The following MRAP2 variants were observed in gnomAD, a reference collection of about 807,000 sequenced individuals.
MRAP2 encodes the protein melanocortin 2 receptor accessory protein 2.
In MRAP2, 20 loss-of-function variants were observed where a neutral mutation model predicts 17.4. That is an observed-to-expected ratio of 1.15 (90% CI 0.81 to 1.67). The LOEUF is 1.67. Among genes scored for constraint, MRAP2 ranks in the 40% most tolerant of loss-of-function variants. The probability of loss-of-function intolerance (pLI) is 0.00; values close to 1 mark genes in which losing one functional copy is unlikely to be tolerated. For missense variants in MRAP2, 238 were observed against 240.0 expected, an observed-to-expected ratio of 0.99 and a Z score of 0.05; for synonymous variants, 96 against 88.4, an observed-to-expected ratio of 1.09 and a Z score of -0.48.
chr6:84,074,102 C>A (rs1324659086), intron 3 of MRAP2, among the ~76,000 whole-genome samples: 2 of 151,992 alleles, frequency 1.3e-5, no homozygotes, highest in African/African-American at 4.8e-5. Flanking sequence ...GCTGAAGAGT[C>A]TAGGTAAAGA....
At chr6:84,124,566 G>A in the MRAP2 span, 1 of 166,378 alleles carries the variant, frequency 6.0e-6, no homozygotes, top group Non-Finnish European at 1.3e-5. Context: ...CAGACACTGG[G>A]GACTCCAATA....
At chr6:84,120,664 TTA>T in the MRAP2 span, among the ~76,000 whole-genome samples, 4 of 152,316 alleles carry the variant, frequency 2.6e-5, no homozygotes, top group African/African-American at 9.6e-5. Context: ...CTGAAAGTAA[TTA>T]TATGATGTTT....
At chr6:84,105,061 T>G in the MRAP2 span, among the ~76,000 whole-genome samples, 1 of 152,158 alleles carries the variant, frequency 6.6e-6, no homozygotes, top group Non-Finnish European at 1.5e-5. Flanking sequence ...GTCCATATCA[T>G]TATCAGAATT....
At chr6:84,092,608 A>T (rs2099501953), downstream of MRAP2, among the ~76,000 whole-genome samples, 1 of 152,156 alleles carries the variant, frequency 6.6e-6, no homozygotes, top group Non-Finnish European at 1.5e-5. Context: ...TGTGACCGAC[A>T]TAAGATACTA....
chr6:84,143,554 T>C, the MRAP2 span, among the ~76,000 whole-genome samples: 3 of 151,906 alleles, frequency 2.0e-5, no homozygotes, highest in South Asian at 2.1e-4. Flanking sequence ...TAAAGTAGAA[T>C]GACAGACTGT....
intron 1 of MRAP2, among the ~76,000 whole-genome samples, chr6:84,052,357 T>A (rs1222489486): frequency 2.6e-5 from 4 of 152,128 alleles, no homozygotes. Flanking sequence ...TCATGCACAC[T>A]GTGGCGGGAA....
the MRAP2 span, among the ~76,000 whole-genome samples, chr6:84,135,526 C>G: frequency 6.6e-6 from 1 of 152,292 alleles, no homozygotes; most frequent in South Asian, 2.1e-4. Flanking sequence ...CTACACATCT[C>G]AATTTAAACT....
At chr6:84,070,995 G>GGTT (rs2099496066) in intron 3 of MRAP2, among the ~76,000 whole-genome samples, 1 of 152,100 alleles carries the variant, frequency 6.6e-6, no homozygotes, top group Non-Finnish European at 1.5e-5. Flanking sequence ...GCAGGTAGTT[G>GGTT]GTTGGTGGGT....
In MRAP2 at chr6:84,089,302, G is replaced by T. The variant is rs1417440654; in HGVS notation, c.439G>T (p.Ala147Ser). ...TGACAGTGACGTCCAACTCCAGGAA[G>T]CCATCAGAAGCAGTGGGCAGCCAGA... Reference protein sequence around the residue: ...ALDSDVQLQEAIRSSGQPEEE... With the variant: ...ALDSDVQLQESIRSSGQPEEE... The change falls in exon 4 of 4, where the codon GCC becomes TCC. Residue 147 changes from alanine (A) to serine (S), a missense_variant. Coordinates refer to ENST00000257776, the MANE Select transcript of MRAP2 (RefSeq NM_138409.4). The T allele has an allele frequency of 6.8e-6, 11 of 1,614,116 alleles. No individual in the cohort carries two copies. The highest frequency in any genetic ancestry group is 1.3e-5 in the African/African-American group (1 of 74,932).
rs553785656 is a variant in MRAP2 at position 84,079,242 on chromosome 6, A to G, written c.228-9849A>G. 3.3e-5 allele frequency among the ~76,000 whole-genome samples: 5 copies of G among 152,252 alleles called. No individual in the cohort carries two copies. In the East Asian group the frequency reaches 7.7e-4, roughly 23 times the overall value. On this transcript the variant is annotated intron_variant, in intron 3 of 3. Coordinates refer to ENST00000257776, the MANE Select transcript of MRAP2 (RefSeq NM_138409.4). ...GTAAGAAAAAGGACAAACTATTGTC[A>G]TATGCAACAATATAGCTAAATCTCA...
downstream of MRAP2, among the ~76,000 whole-genome samples, chr6:84,091,306 T>TG (rs2099501742): frequency 1.4e-5 from 2 of 146,728 alleles, no homozygotes; most frequent in South Asian, 4.3e-4. Flanking sequence ...GATGGCTCAC[T>TG]GCAGCCTCCC....
rs374076718 is a variant in MRAP2, at chr6:84,036,658, T to C, written c.-8+2775T>C. Among the ~76,000 whole-genome samples the C allele has an allele frequency of 2.6e-5, 4 of 152,130 alleles. No individual in the cohort carries two copies. The East Asian group carries it at 5.8e-4, about 22-fold the overall frequency. On this transcript the variant is annotated intron_variant, in intron 1 of 3. Transcript: ENST00000257776. ...GGGAAAGACCAAAGCTTCCACAGTGTGGAAGGGGACCTGAGCGCCTTACCA... is the reference window on the plus strand; with the variant it reads ...GGGAAAGACCAAAGCTTCCACAGTGCGGAAGGGGACCTGAGCGCCTTACCA...
At chr6:84,124,921 A>T in the MRAP2 span, 1 of 672,980 alleles carries the variant, frequency 1.5e-6, no homozygotes, top group Non-Finnish European at 2.5e-6. Flanking sequence ...CTTATTGGTT[A>T]AAGGCAATTT....
At chr6:84,063,549 C>G (rs1320439439) in intron 3 of MRAP2, among the ~76,000 whole-genome samples, 1 of 152,116 alleles carries the variant, frequency 6.6e-6, no homozygotes, top group African/African-American at 2.4e-5. Context: ...TGTGATGATG[C>G]TGGACTTTGG....
chr6:84,042,578 A>G (rs1483049965), intron 1 of MRAP2, among the ~76,000 whole-genome samples: 1 of 152,236 alleles, frequency 6.6e-6, no homozygotes, highest in Non-Finnish European at 1.5e-5. Context: ...TGGGACCCTT[A>G]GACCTTGGCA....
intron 3 of MRAP2, among the ~76,000 whole-genome samples, chr6:84,080,028 T>G (rs528359747): frequency 2.7e-5 from 4 of 150,306 alleles, no homozygotes; most frequent in Non-Finnish European, 4.4e-5. Context: ...AGGGTTTTTT[T>G]TTTGTTTGTT....
chr6:84,115,551 T>C, the MRAP2 span, among the ~76,000 whole-genome samples: 2 of 152,090 alleles, frequency 1.3e-5, no homozygotes, highest in African/African-American at 4.8e-5. Flanking sequence ...CACTTGGCTC[T>C]CTGGCTTCAG....
chr6:84,096,926 G>A, the MRAP2 span, among the ~76,000 whole-genome samples: 1 of 152,184 alleles, frequency 6.6e-6, no homozygotes, highest in African/African-American at 2.4e-5. Flanking sequence ...GTGGGCACTA[G>A]CAGCATGCAT....
At chr6:84,084,336 C>A (rs981728849) in intron 3 of MRAP2, among the ~76,000 whole-genome samples, 1 of 152,056 alleles carries the variant, frequency 6.6e-6, no homozygotes, top group African/African-American at 2.4e-5. Flanking sequence ...ATTTTTATGT[C>A]AGACAAAGAT....
Sources: allele counts gnomAD v4.1 joint callset (sites outside exome capture counted in the v4.1 genomes callset), GRCh38; gene constraint gnomAD v4.1.1; transcripts MANE v1.5; gene names NCBI Gene and HGNC (gene_info 2026-07-23, HGNC 2026-07-21).